STN1: variants seen among roughly 807,000 people sequenced by gnomAD.
STN1 encodes the protein CST complex subunit STN1.
A neutral mutation model predicts 45.5 loss-of-function variants in STN1; 29 were observed. The ratio of observed to expected loss-of-function variants is 0.64; its 90% CI spans 0.47 to 0.87. STN1 has a LOEUF of 0.87. Ranked by LOEUF, STN1 falls within the 40% of genes least tolerant of loss-of-function variation. The pLI is 0.00. For missense variants in STN1, 376 were observed against 441.4 expected, an observed-to-expected ratio of 0.85 and a Z score of 1.33; for synonymous variants, 148 against 159.0, an observed-to-expected ratio of 0.93 and a Z score of 0.52.
chr10:103,877,692 G>A lies in STN1; in HGVS notation c.*4992C>T, dbSNP rs1304484018. On this transcript the variant is annotated 3_prime_UTR_variant, in exon 10 of 10. Transcript: ENST00000224950. ...ATTACAATGAAAACTCACTTATGTGGGAGTTTGAGCTCACATTTACAGCCT... is the reference window on the plus strand; with the variant it reads ...ATTACAATGAAAACTCACTTATGTGAGAGTTTGAGCTCACATTTACAGCCT... The A allele has an allele frequency of 2.0e-5, 3 of 152,162 alleles. No homozygotes were observed. The highest frequency in any genetic ancestry group is 4.4e-5 in the Non-Finnish European group (3 of 68,040). 9.4% of individuals were successfully genotyped at this position (152,162 alleles called of 1,614,324 possible).
intron 7 of STN1, 53 bp downstream of exon 7, chr10:103,897,495 T>C (rs937342153): frequency 6.7e-6 from 10 of 1,489,700 alleles, no homozygotes; most frequent in Non-Finnish European, 9.4e-6. Context: ...ACACCTGCAG[T>C]TGCAGATCTG....
chr10:103,879,222 C>T lies in STN1; in HGVS notation c.*3462G>A, dbSNP rs887313215. ...CGTATTGCTTAGGAGATGCGTCAGG[C>T]ACTGTTCTAGGTGCTGGGGACATGG... On this transcript the variant is annotated 3_prime_UTR_variant, in exon 10 of 10. Coordinates refer to ENST00000224950, the MANE Select transcript of STN1 (RefSeq NM_024928.5). 2.0e-5 allele frequency: 3 copies of T among 152,242 alleles called. No individual in the cohort carries two copies. Among genetic ancestry groups the T allele is most frequent in the African/African-American group, 7.2e-5 (3 of 41,432 alleles). The allele number at this position is 152,242 out of a possible 1,614,324, so 9.4% of individuals were successfully genotyped here. A position where few individuals can be genotyped will look rare whatever the true frequency, so the allele number is the denominator to read the frequency against.
chr10:103,916,965 T>C (rs1001390549), intron 2 of STN1, among the ~76,000 whole-genome samples: 2 of 152,150 alleles, frequency 1.3e-5, no homozygotes, highest in Non-Finnish European at 2.9e-5. Flanking sequence ...ATTTTGATTC[T>C]GCTTAATTCA....
At chr10:103,906,169 A>C (rs916595269) in intron 3 of STN1, among the ~76,000 whole-genome samples, 1 of 152,214 alleles carries the variant, frequency 6.6e-6, no homozygotes, top group African/African-American at 2.4e-5. Context: ...TTAAATATAA[A>C]AAAGGTAAAC....
intron 1 of STN1, 96 bp from the exon 2 acceptor site, chr10:103,917,752 G>T: frequency 1.4e-6 from 1 of 708,654 alleles, no homozygotes; most frequent in Non-Finnish European, 2.3e-6. Context: ...CAGGACTCCA[G>T]GAGGGGTGAA....
At chr10:103,897,211 T>C (rs1843176322) in intron 7 of STN1, among the ~76,000 whole-genome samples, 1 of 152,184 alleles carries the variant, frequency 6.6e-6, no homozygotes, top group Non-Finnish European at 1.5e-5. Flanking sequence ...AAAAGTTATC[T>C]TGGTTAGCCA....
chr10:103,889,929 C>T (rs1000834967), intron 8 of STN1, among the ~76,000 whole-genome samples: 1 of 152,022 alleles, frequency 6.6e-6, no homozygotes, highest in Non-Finnish European at 1.5e-5. Context: ...GTCTCGAATG[C>T]CTGACCTCAA....
intron 4 of STN1, among the ~76,000 whole-genome samples, chr10:103,904,254 T>C (rs1032199892): frequency 1.3e-5 from 2 of 152,146 alleles, no homozygotes; most frequent in Non-Finnish European, 2.9e-5. Context: ...TCAAAGCTTC[T>C]CTAGAACCAA....
intron 3 of STN1, among the ~76,000 whole-genome samples, chr10:103,908,964 A>G (rs1843262482): frequency 6.6e-6 from 1 of 152,012 alleles, no homozygotes; most frequent in South Asian, 2.1e-4. Flanking sequence ...TATGGAGACC[A>G]CAGAACACAC....
rs1312614272 is a variant in STN1 at position 103,917,610 on chromosome 10, T to C, written c.-16A>G. ...CAGGCTGCATCAAGAGGCAGGGCTG[T>C]GGCTTCCAGCTAACTCTGAAAGGTT... On this transcript the variant is annotated 5_prime_UTR_variant, in exon 2 of 10. Transcript: ENST00000224950. 1 of 1,611,472 alleles carries C rather than the reference T, an allele frequency of 6.2e-7. No individual in the cohort carries two copies. Among genetic ancestry groups the C allele is most frequent in the Admixed American group, 1.7e-5 (1 of 59,406 alleles).
chr10:103,911,643 A>C (rs1034379658), intron 2 of STN1, among the ~76,000 whole-genome samples: 43 of 152,196 alleles, frequency 2.8e-4, no homozygotes, highest in Non-Finnish European at 5.7e-4. Flanking sequence ...TGGTGTCTCA[A>C]AGTGCTGGGA....
chr10:103,909,152 C>T (rs1338398239), intron 3 of STN1, among the ~76,000 whole-genome samples: 2 of 151,286 alleles, frequency 1.3e-5, no homozygotes, highest in African/African-American at 4.9e-5. Flanking sequence ...AACTGAAAGA[C>T]GCTATTATTT....
chr10:103,914,294 T>C (rs1843309838), intron 2 of STN1, among the ~76,000 whole-genome samples: 1 of 145,454 alleles, frequency 6.9e-6, no homozygotes, highest in African/African-American at 2.6e-5. Flanking sequence ...TTTAAAACAA[T>C]AAATACGACT....
intron 3 of STN1, among the ~76,000 whole-genome samples, chr10:103,909,111 T>A (rs917644475): frequency 6.6e-6 from 1 of 151,752 alleles, no homozygotes; most frequent in Admixed American, 6.6e-5. Flanking sequence ...GGGAGAATAA[T>A]ATGAAATTAT....
chr10:103,909,472 ATATATGTATATATATGTGTGTGTG>A (rs1843272169), intron 3 of STN1, among the ~76,000 whole-genome samples: 12 of 92,136 alleles, frequency 1.3e-4, no homozygotes, highest in Admixed American at 2.6e-4. Context: ...ATATATATGT[ATATATGTATATATATGTGTGTGTG>A]TATATGTATA....
intron 4 of STN1, among the ~76,000 whole-genome samples, chr10:103,902,028 G>T (rs1285832640): frequency 1.3e-5 from 2 of 152,090 alleles, no homozygotes; most frequent in Non-Finnish European, 2.9e-5. Context: ...TCTACTCTCT[G>T]TATTTCTTTA....
chr10:103,895,410 T>C (rs1843164457), intron 7 of STN1, among the ~76,000 whole-genome samples: 2 of 152,220 alleles, frequency 1.3e-5, no homozygotes, highest in Non-Finnish European at 2.9e-5. Flanking sequence ...CTTTAAAGTT[T>C]CTATCCAAAC....
At chr10:103,913,977 A>C (rs1184779913) in intron 2 of STN1, among the ~76,000 whole-genome samples, 3 of 152,286 alleles carry the variant, frequency 2.0e-5, no homozygotes, top group Admixed American at 6.5e-5. Flanking sequence ...TCGGATTTCA[A>C]GCAGCCAACC....
At chr10:103,895,766 T>C (rs1843167074) in intron 7 of STN1, among the ~76,000 whole-genome samples, 1 of 152,152 alleles carries the variant, frequency 6.6e-6, no homozygotes, top group Non-Finnish European at 1.5e-5. Context: ...AATCAAGAAC[T>C]TATGTTACCT....
Sources: gnomAD v4.1 joint callset for allele counts (sites outside exome capture counted in the v4.1 genomes callset) on GRCh38, gnomAD v4.1.1 for gene constraint, MANE v1.5 for transcripts, NCBI Gene and HGNC (gene_info 2026-07-23, HGNC 2026-07-21) for gene names.